Variants in SLC14A2 observed in about 807,000 individuals in gnomAD.
SLC14A2 encodes the protein solute carrier family 14 member 2.
SLC14A2 carries 91 observed loss-of-function variants against 104.6 expected under a neutral mutation model. That is an observed-to-expected ratio of 0.87 (90% CI 0.73 to 1.04). SLC14A2 has a LOEUF of 1.04. Among genes scored for constraint, SLC14A2 ranks in the 50% least tolerant of loss-of-function variants. The probability of loss-of-function intolerance (pLI) is 0.00; values close to 1 mark genes in which losing one functional copy is unlikely to be tolerated. For missense variants in SLC14A2, 1,189 were observed against 1,156.0 expected, an observed-to-expected ratio of 1.03 and a Z score of -0.41; for synonymous variants, 476 against 466.4, an observed-to-expected ratio of 1.02 and a Z score of -0.27.
At chr18:45,505,936 C>T (rs1213186613) in intron 2 of SLC14A2, among the ~76,000 whole-genome samples, 1 of 151,804 alleles carries the variant, frequency 6.6e-6, no homozygotes, top group Non-Finnish European at 1.5e-5. Context: ...TTTCTCTCCG[C>T]AGAACTAGGG....
chr18:45,170,170 A>G, the SLC14A2 span, among the ~76,000 whole-genome samples: 2 of 152,278 alleles, frequency 1.3e-5, no homozygotes, highest in East Asian at 1.9e-4. Flanking sequence ...GCATTGTTGC[A>G]TAGACCTGAG....
chr18:45,311,491 T>C (rs781622361), intron 1 of SLC14A2, among the ~76,000 whole-genome samples: 16 of 152,220 alleles, frequency 1.1e-4, no homozygotes, highest in Non-Finnish European at 2.1e-4. Flanking sequence ...AGGGTAACTA[T>C]ATGATCTGGG....
chr18:45,378,749 G>A (rs1441402183), intron 1 of SLC14A2, among the ~76,000 whole-genome samples: 1 of 152,098 alleles, frequency 6.6e-6, no homozygotes, highest in Non-Finnish European at 1.5e-5. Flanking sequence ...AATGCATTTT[G>A]TTTCTGATCA....
At chr18:45,628,904 T>C (rs1326006453) in intron 4 of SLC14A2, among the ~76,000 whole-genome samples, 1 of 152,196 alleles carries the variant, frequency 6.6e-6, no homozygotes, top group Non-Finnish European at 1.5e-5. Flanking sequence ...TTATTAACTG[T>C]GACTCTTACC....
intron 12 of SLC14A2, 53 bp downstream of exon 12, chr18:45,666,272 A>G: frequency 2.5e-6 from 3 of 1,223,428 alleles, no homozygotes; most frequent in Non-Finnish European, 3.6e-6. Flanking sequence ...CACAGAGCCC[A>G]CAGCAGATGA....
chr18:45,380,849 A>G lies in SLC14A2; in HGVS notation c.-124-102384A>G, dbSNP rs148455721. ...CAAAAATCTGTTTAACTACTTGTTG[A>G]CCTTGAATCTCAGCTACCTCATCTA... On this transcript the variant is annotated intron_variant, in intron 1 of 20. Transcript: ENST00000586448. 2.0e-3 allele frequency among the ~76,000 whole-genome samples: 309 copies of G among 152,336 alleles called. 1 individual carries two copies. The highest frequency in any genetic ancestry group is 3.4e-3 in the Middle Eastern group (1 of 294).
At chr18:45,421,354 C>T (rs535625449) in intron 1 of SLC14A2, among the ~76,000 whole-genome samples, 1 of 151,532 alleles carries the variant, frequency 6.6e-6, no homozygotes, top group South Asian at 2.1e-4. Flanking sequence ...ATTCATAGTT[C>T]ACAGTTTTGC....
At chr18:45,272,705 G>A (rs1465116959) in intron 1 of SLC14A2, among the ~76,000 whole-genome samples, 1 of 152,068 alleles carries the variant, frequency 6.6e-6, no homozygotes, top group East Asian at 1.9e-4. Flanking sequence ...ACAATAGGGT[G>A]ACTTTAGTCA....
chr18:45,563,852 T>A (rs182741436), intron 2 of SLC14A2, among the ~76,000 whole-genome samples: 10 of 152,370 alleles, frequency 6.6e-5, no homozygotes, highest in Non-Finnish European at 1.2e-4. Context: ...TCACTGGTAA[T>A]GCCACGTGAA....
chr18:45,310,433 A>G (rs2085067143), intron 1 of SLC14A2, among the ~76,000 whole-genome samples: 1 of 152,238 alleles, frequency 6.6e-6, no homozygotes, highest in African/African-American at 2.4e-5. Context: ...TTATATTAGC[A>G]TGTAGAAAAC....
At chr18:45,622,840 T>A (rs1157875174) in intron 1 of SLC14A2, among the ~76,000 whole-genome samples, 1 of 152,140 alleles carries the variant, frequency 6.6e-6, no homozygotes, top group African/African-American at 2.4e-5. Context: ...GAAAGCAGAC[T>A]GAGCTGGACT....
chr18:45,340,063 T>C (rs187676821), intron 1 of SLC14A2, among the ~76,000 whole-genome samples: 22 of 152,306 alleles, frequency 1.4e-4, no homozygotes, highest in African/African-American at 5.1e-4. Context: ...GGTGGCTTGG[T>C]AGGTCACATG....
At chr18:45,637,232 C>T in intron 6 of SLC14A2, 50 bp downstream of exon 6, 1 of 1,481,590 alleles carries the variant, frequency 6.7e-7, no homozygotes, top group Non-Finnish European at 9.3e-7. Flanking sequence ...CCACTGCAGA[C>T]CTTCTCGCCA....
intron 1 of SLC14A2, among the ~76,000 whole-genome samples, chr18:45,238,186 G>C (rs1465977947): frequency 1.3e-5 from 2 of 152,196 alleles, no homozygotes; most frequent in Non-Finnish European, 2.9e-5. Context: ...GGTCTTGATT[G>C]GGTAGTATTA....
intron 1 of SLC14A2, among the ~76,000 whole-genome samples, chr18:45,403,392 T>G (rs973927881): frequency 1.3e-5 from 2 of 152,238 alleles, no homozygotes; most frequent in African/African-American, 4.8e-5. Context: ...ATAATTTAAT[T>G]CTACCATAGA....
chr18:45,251,426 G>C (rs952524029), intron 1 of SLC14A2, among the ~76,000 whole-genome samples: 1 of 152,124 alleles, frequency 6.6e-6, no homozygotes, highest in African/African-American at 2.4e-5. Flanking sequence ...CTACCCTCTT[G>C]GTCAGAAAAG....
At chr18:45,573,416 G>GAAAT (rs2044377142) in intron 2 of SLC14A2, among the ~76,000 whole-genome samples, 1 of 152,114 alleles carries the variant, frequency 6.6e-6, no homozygotes, top group Non-Finnish European at 1.5e-5. Context: ...GAAATAATAA[G>GAAAT]AAATAATAAA....
At chr18:45,459,111 T>C (rs368051913) in intron 1 of SLC14A2, among the ~76,000 whole-genome samples, 3 of 152,192 alleles carry the variant, frequency 2.0e-5, no homozygotes, top group African/African-American at 7.2e-5. Context: ...ATAAGAGTAA[T>C]ATTAGAATCC....
intron 1 of SLC14A2, among the ~76,000 whole-genome samples, chr18:45,215,628 G>A (rs949703238): frequency 4.6e-5 from 7 of 152,220 alleles, no homozygotes; most frequent in Non-Finnish European, 1.0e-4. Flanking sequence ...CCATAGGAGA[G>A]AGATGCTCAA....
Sources: allele counts gnomAD v4.1 joint callset (sites outside exome capture counted in the v4.1 genomes callset), GRCh38; gene constraint gnomAD v4.1.1; transcripts MANE v1.5; gene names NCBI Gene and HGNC (gene_info 2026-07-23, HGNC 2026-07-21).